The following CCDC141 variants were observed in gnomAD, a reference collection of about 807,000 sequenced individuals.
CCDC141 encodes the protein coiled-coil domain containing 141.
In CCDC141, 168 loss-of-function variants were observed where a neutral mutation model predicts 181.0. The ratio of observed to expected loss-of-function variants is 0.93; its 90% CI spans 0.82 to 1.05. The LOEUF is 1.05. Among genes scored for constraint, CCDC141 ranks in the 50% least tolerant of loss-of-function variants. The pLI is 0.00. For missense variants in CCDC141, 1,902 were observed against 1,788.5 expected (o/e 1.06, Z -1.14); for synonymous variants, 666 against 642.3 (o/e 1.04, Z -0.56).
intron 2 of CCDC141, 88 bp from the exon 3 acceptor site, chr2:178,978,763 T>C (rs1691235587): frequency 1.0e-6 from 1 of 997,972 alleles, no homozygotes; most frequent in Non-Finnish European, 1.4e-6. Context: ...ATAGTAGAAA[T>C]TGCATGTGGT....
intron 16 of CCDC141, 47 bp downstream of exon 16, chr2:178,867,979 G>A: frequency 6.8e-7 from 1 of 1,471,546 alleles, no homozygotes; most frequent in South Asian, 1.4e-5. Flanking sequence ...GCTAGCCCAA[G>A]CCCCAGCTAG....
chr2:178,866,065 C>T (rs957303449), intron 16 of CCDC141, 149 bp from the exon 17 acceptor site: 1 of 568,506 alleles, frequency 1.8e-6, no homozygotes, highest in Non-Finnish European at 2.7e-6. Flanking sequence ...CATATTTGAA[C>T]ATAATTATTT....
Position 178,836,908 on chromosome 2 carries a change from C to A in CCDC141, c.4311G>T (p.Glu1437Asp). ...TLEVEVTGFPEPTLTWYKKGQ... is the reference protein window; with the variant it reads ...TLEVEVTGFPDPTLTWYKKGQ... ...AGGCTACCCACCATGTCAGTGTAGG[C>A]TCTGGAAATCCTGTTACTTCAACTT... The change falls in exon 23 of 24, where the codon GAG (glutamate) becomes GAT (aspartate). Residue 1437 changes from glutamate to aspartate, a missense_variant. Glu to Asp is a conservative substitution (Grantham distance 45). Transcript: ENST00000443758. 6.2e-7 allele frequency: 1 copy of A among 1,611,106 alleles called. No homozygotes were observed. Among genetic ancestry groups the A allele is most frequent in the South Asian group, 1.1e-5 (1 of 90,444 alleles).
At chr2:178,845,039 T>C (rs963904170) in intron 22 of CCDC141, among the ~76,000 whole-genome samples, 3 of 152,264 alleles carry the variant, frequency 2.0e-5, no homozygotes, top group East Asian at 1.9e-4. Flanking sequence ...AGTCGTTACA[T>C]GCTTTATCAG....
At chr2:178,888,177 A>G (rs1205741634) in intron 9 of CCDC141, among the ~76,000 whole-genome samples, 5 of 152,170 alleles carry the variant, frequency 3.3e-5, no homozygotes, top group Non-Finnish European at 5.9e-5. Flanking sequence ...GTATGGTACC[A>G]TGGTAACAGA....
At chr2:178,880,499 A>G (rs1686547297) in intron 11 of CCDC141, among the ~76,000 whole-genome samples, 2 of 152,164 alleles carry the variant, frequency 1.3e-5, no homozygotes, top group South Asian at 4.1e-4. Context: ...GAACCGAGGA[A>G]GTGATGGTAC....
chr2:179,017,208 T>C (rs1462324028), intron 2 of CCDC141, among the ~76,000 whole-genome samples: 4 of 152,134 alleles, frequency 2.6e-5, no homozygotes, highest in East Asian at 1.9e-4. Context: ...CACATCTTTC[T>C]TTCTTTCTGA....
intron 6 of CCDC141, among the ~76,000 whole-genome samples, chr2:178,921,345 C>T (rs1037849485): frequency 6.6e-6 from 1 of 152,214 alleles, no homozygotes; most frequent in Non-Finnish European, 1.5e-5. Context: ...ACATAATAGG[C>T]ACTCACTAAG....
chr2:178,924,935 C>T (rs951142776), intron 6 of CCDC141, among the ~76,000 whole-genome samples: 2 of 152,178 alleles, frequency 1.3e-5, no homozygotes, highest in Non-Finnish European at 2.9e-5. Context: ...TGTTAAGTAG[C>T]TTCAGGAAGA....
At chr2:179,047,003 T>G (rs1457937387) in intron 2 of CCDC141, among the ~76,000 whole-genome samples, 2 of 152,120 alleles carry the variant, frequency 1.3e-5, no homozygotes, top group African/African-American at 2.4e-5. Flanking sequence ...ATGATGGAGT[T>G]TTTTTCCCAC....
intron 17 of CCDC141, among the ~76,000 whole-genome samples, chr2:178,862,023 T>C (rs1685641903): frequency 6.6e-6 from 1 of 152,214 alleles, no homozygotes; most frequent in Non-Finnish European, 1.5e-5. Flanking sequence ...CACTATACAA[T>C]GTCAGACGGT....
chr2:179,033,214 G>A (rs916186463), intron 2 of CCDC141, among the ~76,000 whole-genome samples: 35 of 151,180 alleles, frequency 2.3e-4, no homozygotes, highest in African/African-American at 7.2e-4. Flanking sequence ...GATAAACCAT[G>A]TATAAAAATA....
Position 178,920,695 on chromosome 2 carries a change from TACAC to T in CCDC141, c.898-1792_898-1789del, listed in dbSNP as rs59015092. On this transcript the variant is annotated intron_variant, in intron 6 of 23. Coordinates refer to ENST00000443758, the MANE Select transcript of CCDC141 (RefSeq NM_173648.4). ...ATTGTGATCATGTCACTGAACTCCA[TACAC>T]ACACACACACACACACACACACACA... Among the ~76,000 whole-genome samples, 876 of 146,488 alleles carry T rather than the reference TACAC, an allele frequency of 6.0e-3. 7 individuals carry two copies. The highest frequency in any genetic ancestry group is 0.028 in the Middle Eastern group (8 of 286).
intron 2 of CCDC141, among the ~76,000 whole-genome samples, chr2:179,031,844 T>C (rs1312675541): frequency 1.3e-5 from 2 of 152,122 alleles, no homozygotes; most frequent in Middle Eastern, 3.2e-3. Flanking sequence ...CTTGGGTGGT[T>C]TGGGTTTCTC....
chr2:178,874,370 G>A (rs1686262952), intron 12 of CCDC141: 1 of 152,120 alleles, frequency 6.6e-6, no homozygotes, highest in African/African-American at 2.4e-5. Context: ...GAACACCAAA[G>A]CACAGTAGTA....
At chr2:178,886,369 C>T (rs1053694898) in intron 10 of CCDC141, among the ~76,000 whole-genome samples, 10 of 152,154 alleles carry the variant, frequency 6.6e-5, no homozygotes, top group South Asian at 4.1e-4. Context: ...CTTGCAATAA[C>T]GCACGTTGCT....
chr2:178,907,873 C>T (rs187787511), intron 7 of CCDC141, among the ~76,000 whole-genome samples: 49 of 152,104 alleles, frequency 3.2e-4, no homozygotes, highest in Non-Finnish European at 5.7e-4. Flanking sequence ...GTAGCACGTG[C>T]TTGTAATCCC....
chr2:179,027,999 C>A (rs2042901876), intron 2 of CCDC141, among the ~76,000 whole-genome samples: 2 of 152,144 alleles, frequency 1.3e-5, no homozygotes, highest in Admixed American at 1.3e-4. Flanking sequence ...TTCATTTTCA[C>A]CTCCTTTCCT....
intron 2 of CCDC141, among the ~76,000 whole-genome samples, chr2:179,045,416 T>G (rs1267940369): frequency 6.6e-6 from 1 of 151,758 alleles, no homozygotes; most frequent in African/African-American, 2.4e-5. Context: ...CTATCATTGT[T>G]GGACATTTGG....
Sources: allele counts gnomAD v4.1 joint callset (sites outside exome capture counted in the v4.1 genomes callset), GRCh38; gene constraint gnomAD v4.1.1; transcripts MANE v1.5; gene names NCBI Gene and HGNC (gene_info 2026-07-23, HGNC 2026-07-21).